The following FRMD1 variants were observed in gnomAD, a reference collection of about 807,000 sequenced individuals.
FRMD1 encodes the protein FERM domain containing 1, also known as FERM domain-containing protein 1.
FRMD1 carries 51 observed loss-of-function variants against 54.9 expected under a neutral mutation model. That is an observed-to-expected ratio of 0.93 (90% confidence interval 0.74 to 1.17). The LOEUF is 1.17. FRMD1 is among the 50% of genes most tolerant of loss of function. FRMD1 has a pLI of 0.00. For synonymous variants in FRMD1, 324 were observed against 306.4 expected, an observed-to-expected ratio of 1.06 and a Z score of -0.60; for missense variants, 729 against 743.0, an observed-to-expected ratio of 0.98 and a Z score of 0.22.
intron 1 of FRMD1, among the ~76,000 whole-genome samples, chr6:168,076,644 A>G (rs1800608238): frequency 6.6e-6 from 1 of 152,220 alleles, no homozygotes; most frequent in Non-Finnish European, 1.5e-5. Flanking sequence ...CTCCCCAGCC[A>G]TGTGGAACTG....
rs1425314736 is a variant in FRMD1, at chr6:168,078,931, TC to T, written c.163del (p.Asp55MetfsTer18). On this transcript the variant is annotated frameshift_variant, in exon 1 of 11. Transcript: ENST00000283309. LOFTEE classifies it high-confidence loss of function. The stretch of plus-strand genomic sequence containing the variant: ...CCGGCTGGGCAGCAGCACGAGGACA[TC>T]CCTGTGTTCCGAGGCCATCGCGTCC... ...GMDAMASEHR[D>X]VLVLLPSREQ... 4 of 1,607,472 alleles carry T rather than the reference TC, an allele frequency of 2.5e-6. No individual in the cohort carries two copies. Among genetic ancestry groups the T allele is most frequent in the Non-Finnish European group, 3.4e-6 (4 of 1,179,300 alleles).
chr6:168,079,255 G>T, upstream of FRMD1: 1 of 1,359,070 alleles, frequency 7.4e-7, no homozygotes, highest in Non-Finnish European at 9.7e-7. Flanking sequence ...GCCAAGCCAG[G>T]ACAAGGGTCA....
upstream of FRMD1, chr6:168,081,420 G>A (rs1179319945): frequency 5.5e-5 from 84 of 1,535,442 alleles, no homozygotes; most frequent in Middle Eastern, 1.7e-4. Flanking sequence ...TGTCAGGGCC[G>A]GGCAGTGGAC....
intron 7 of FRMD1, 142 bp from the exon 8 acceptor site, chr6:168,062,123 G>T: frequency 1.2e-6 from 1 of 857,856 alleles, no homozygotes; most frequent in Non-Finnish European, 1.8e-6. Flanking sequence ...GCTGTTGGCG[G>T]ACACTGTGCG....
At chr6:168,088,893 G>A (rs1481049669) in intron 1 of FRMD1, among the ~76,000 whole-genome samples, 4 of 152,080 alleles carry the variant, frequency 2.6e-5, no homozygotes, top group East Asian at 1.9e-4. Context: ...CCTTGTGTCC[G>A]TGTGACCCAC....
At chr6:168,073,735 C>T (rs955175175) in intron 2 of FRMD1, among the ~76,000 whole-genome samples, 4 of 152,150 alleles carry the variant, frequency 2.6e-5, no homozygotes, top group African/African-American at 9.7e-5. Flanking sequence ...AAGATGGCTT[C>T]GTCCAAAAGG....
At chr6:168,070,637 T>C (rs1760608570) in intron 2 of FRMD1, among the ~76,000 whole-genome samples, 1 of 152,200 alleles carries the variant, frequency 6.6e-6, no homozygotes, top group South Asian at 2.1e-4. Flanking sequence ...ATGAGCCAGT[T>C]CTTTACAATA....
At chr6:168,063,553 T>C (rs1313884982) in intron 6 of FRMD1, 48 bp downstream of exon 6, 1 of 1,551,422 alleles carries the variant, frequency 6.4e-7, no homozygotes, top group Non-Finnish European at 8.7e-7. Context: ...CGTGCATCCC[T>C]GGCCTGGAGT....
At chr6:168,070,389 G>GAGGA (rs1388524486) in intron 2 of FRMD1, among the ~76,000 whole-genome samples, 2 of 147,272 alleles carry the variant, frequency 1.4e-5, no homozygotes, top group East Asian at 4.1e-4. Flanking sequence ...GGGAAGGAGG[G>GAGGA]AGGGAGGGAG....
intron 5 of FRMD1, 46 bp from the exon 6 acceptor site, chr6:168,063,802 C>A (rs1353630272): frequency 7.1e-6 from 11 of 1,552,004 alleles, no homozygotes; most frequent in South Asian, 3.7e-5. Flanking sequence ...GCTGGTCCCC[C>A]CTTCCTCCTT....
Position 168,057,355 on chromosome 6 carries a change from A to G in FRMD1, c.1408-16T>C, listed in dbSNP as rs751053791. On this transcript the variant is annotated splice_polypyrimidine_tract_variant and intron_variant, in intron 10 of 10. Coordinates refer to ENST00000283309, the MANE Select transcript of FRMD1 (RefSeq NM_024919.6). Reference sequence around the variant, plus strand: ...TTTCCTGGATCTGCGGGGAGAGGCCATGGGATGAGGCCTGCTGCCCCCTCT... The same window carrying G: ...TTTCCTGGATCTGCGGGGAGAGGCCGTGGGATGAGGCCTGCTGCCCCCTCT... 3.7e-5 allele frequency: 59 copies of G among 1,606,292 alleles called. No homozygotes were observed. The highest frequency in any genetic ancestry group is 3.4e-6 in the Non-Finnish European group (4 of 1,179,504).
intron 7 of FRMD1, 87 bp from the exon 8 acceptor site, chr6:168,062,068 C>T: frequency 7.1e-7 from 1 of 1,412,944 alleles, no homozygotes; most frequent in Non-Finnish European, 9.6e-7. Flanking sequence ...TCAGCCATGG[C>T]CCCCAGGGGG....
chr6:168,055,320 C>T lies in FRMD1; in HGVS notation c.*1777G>A. 6.5e-6 allele frequency: 1 copy of T among 153,292 alleles called. No homozygotes were observed. The highest frequency in any genetic ancestry group is 1.5e-5 in the Non-Finnish European group (1 of 68,868). 9.5% of individuals were successfully genotyped at this position (153,292 alleles called of 1,614,324 possible). ...GGGAGTGTGCATGTATGGATGTGTG[C>T]ATGTGTGTGTGTGCATGCGTGTGCA... On this transcript the variant is annotated 3_prime_UTR_variant, in exon 11 of 11. Coordinates refer to ENST00000283309, the MANE Select transcript of FRMD1 (RefSeq NM_024919.6).
rs748466379 is a variant in FRMD1 at position 168,061,867 on chromosome 6, G to C, written c.985C>G (p.Gln329Glu). The C allele has an allele frequency of 1.5e-5, 23 of 1,583,708 alleles. No individual in the cohort carries two copies. The highest frequency in any genetic ancestry group is 2.0e-5 in the Non-Finnish European group (23 of 1,166,436). Residue 329 changes from glutamine (Q) to glutamate (E), a missense_variant, in exon 8 of 11, where the codon CAG (glutamine) becomes GAG (glutamate). Gln to Glu is a conservative substitution (Grantham distance 29). Coordinates refer to ENST00000283309, the MANE Select transcript of FRMD1 (RefSeq NM_024919.6). The stretch of plus-strand genomic sequence containing the variant: ...GTGGGCCGCACGCGGAGGTGGAGCT[G>C]GTGGCTGGCGCGCAGCAGGTGCAGC... ...HLLHLLRASHQLHLRVRPTLQ... is the reference protein window; with the variant it reads ...HLLHLLRASHELHLRVRPTLQ...
chr6:168,061,387 GAGGCCAGGCCTGTGGGTAAACACTA>G (rs1404973518), intron 8 of FRMD1, among the ~76,000 whole-genome samples: 1 of 152,030 alleles, frequency 6.6e-6, no homozygotes, highest in Non-Finnish European at 1.5e-5. Context: ...AACAGGGAGG[GAGGCCAGGCCTGTGGGTAAACACTA>G]AGGCCAGGCC....
intron 3 of FRMD1, 182 bp downstream of exon 3, chr6:168,067,185 C>A (rs1800079885): frequency 2.9e-6 from 2 of 681,020 alleles, no homozygotes; most frequent in Non-Finnish European, 5.4e-6. Flanking sequence ...GGTGCCTGCC[C>A]TCTCCCACCC....
intron 9 of FRMD1, among the ~76,000 whole-genome samples, chr6:168,060,330 T>G (rs1170825508): frequency 3.3e-5 from 3 of 90,250 alleles, no homozygotes; most frequent in African/African-American, 1.3e-4. Context: ...CTTCCCGGGA[T>G]GGGGAGCATT....
chr6:168,066,977 A>G (rs752185833), intron 3 of FRMD1, 146 bp from the exon 4 acceptor site: 9 of 1,038,020 alleles, frequency 8.7e-6, no homozygotes, highest in Non-Finnish European at 1.3e-5. Flanking sequence ...TGACAATTCG[A>G]CTCATGGTAT....
Position 168,059,101 on chromosome 6 carries a change from C to G in FRMD1, c.1407+23G>C. 1 of 1,548,468 alleles carries G rather than the reference C, an allele frequency of 6.5e-7. No homozygotes were observed. Among genetic ancestry groups the G allele is most frequent in the Non-Finnish European group, 8.7e-7 (1 of 1,148,652 alleles). ...GGGTGGAGGAGCAGGGCCAGGGCTT[C>G]TGGCCCGTGGGGGGGACTCTACCTG... On this transcript the variant is annotated intron_variant, in intron 10 of 10. Coordinates refer to ENST00000283309, the MANE Select transcript of FRMD1 (RefSeq NM_024919.6). The surrounding 1 kb of genome is among the most constrained non-coding windows in gnomAD (Gnocchi z 4.4).
Sources: allele counts gnomAD v4.1 joint callset (sites outside exome capture counted in the v4.1 genomes callset), GRCh38; gene constraint gnomAD v4.1.1; non-coding constraint Gnocchi (gnomAD v3.1); transcripts MANE v1.5; gene names NCBI Gene and HGNC (gene_info 2026-07-23, HGNC 2026-07-21).